Variants in SYNE1 observed in about 807,000 individuals in gnomAD.
SYNE1 encodes spectrin repeat containing nuclear envelope protein 1.
Under a neutral mutation model 1,111.0 loss-of-function variants are expected in SYNE1, and 616 were observed. The ratio of observed to expected loss-of-function variants is 0.55; its 90% CI spans 0.52 to 0.59. SYNE1 has a LOEUF of 0.59. Among genes scored for constraint, SYNE1 ranks in the 20% least tolerant of loss-of-function variants. SYNE1 has a pLI of 0.00. For synonymous variants in SYNE1, 3,855 were observed against 3,825.8 expected, an observed-to-expected ratio of 1.01 and a Z score of -0.28; for missense variants, 10,006 against 10,417.0, an observed-to-expected ratio of 0.96 and a Z score of 1.72.
intron 20 of SYNE1, 105 bp downstream of exon 20, chr6:152,462,633 T>A (rs925862746): frequency 4.4e-6 from 6 of 1,355,830 alleles, no homozygotes; most frequent in Non-Finnish European, 4.2e-6. Flanking sequence ...GTCAAAATGA[T>A]GCCCAGGAGA....
At position 152,430,646 on chromosome 6, in the gene SYNE1, A is replaced by G; in HGVS notation, c.4525T>C (p.Ser1509Pro). ...CCAGTGGTAACAAACTGAGCAAAAGACTGGGCTTCTTCTTCTAATCCTACA... is the reference window on the plus strand; with the variant it reads ...CCAGTGGTAACAAACTGAGCAAAAGGCTGGGCTTCTTCTTCTAATCCTACA... ...SIVGLEEEAQ[S>P]FAQFVTTGES... The change falls in exon 35 of 146, where the codon TCT (serine) becomes CCT (proline). Residue 1509 changes from serine (S) to proline (P), a missense_variant. Physicochemically the swap from Ser to Pro is moderately conservative, Grantham distance 74. Around this residue, in one of 7 missense-constraint regions of SYNE1, gnomAD observed 1,971 missense variants for 2,084.1 expected, o/e 0.95. Coordinates refer to ENST00000367255, the MANE Select transcript of SYNE1 (RefSeq NM_182961.4). 6 of 1,614,156 alleles carry G rather than the reference A, an allele frequency of 3.7e-6. No homozygotes were observed. Among genetic ancestry groups the G allele is most frequent in the Non-Finnish European group, 5.1e-6 (6 of 1,180,000 alleles).
intron 74 of SYNE1, among the ~76,000 whole-genome samples, chr6:152,340,823 T>G (rs949919426): frequency 9.3e-4 from 141 of 152,178 alleles, no homozygotes; most frequent in Non-Finnish European, 1.7e-3. Context: ...GCCACAGGGG[T>G]GGCAGGCAGC....
chr6:152,233,993 G>C, intron 111 of SYNE1, 30 bp from the exon 112 acceptor site: 1 of 1,609,158 alleles, frequency 6.2e-7, no homozygotes, highest in Non-Finnish European at 8.5e-7. Context: ...TCAAATTAGG[G>C]TTAAATAGCT....
At chr6:152,277,797 C>G in intron 98 of SYNE1, 1 of 470,790 alleles carries the variant, frequency 2.1e-6, no homozygotes, top group African/African-American at 2.0e-5. Flanking sequence ...GTAGCCTTTA[C>G]TTTCCCTCTC....
chr6:152,555,689 G>A (rs992011214), intron 3 of SYNE1, among the ~76,000 whole-genome samples: 36 of 152,110 alleles, frequency 2.4e-4, no homozygotes, highest in Non-Finnish European at 1.8e-4. Flanking sequence ...ATGATGTAAA[G>A]ACATGAATGA....
intron 74 of SYNE1, 96 bp downstream of exon 74, chr6:152,343,985 G>T (rs561013482): frequency 2.6e-6 from 4 of 1,536,240 alleles, no homozygotes; most frequent in Non-Finnish European, 9.0e-7. Flanking sequence ...ATTCCCAGGA[G>T]TCAATACAGT....
At chr6:152,529,366 G>A (rs2099184344) in intron 4 of SYNE1, among the ~76,000 whole-genome samples, 1 of 152,112 alleles carries the variant, frequency 6.6e-6, no homozygotes. Flanking sequence ...CTGTATGTGA[G>A]TGGCCTGAGC....
intron 41 of SYNE1, among the ~76,000 whole-genome samples, chr6:152,414,546 G>A (rs1258328779): frequency 6.6e-6 from 1 of 152,034 alleles, no homozygotes; most frequent in African/African-American, 2.4e-5. Flanking sequence ...GCTGGGGGCA[G>A]GTGTTCTTAT....
In SYNE1 at chr6:152,455,833, C is replaced by T. The variant is rs1593073271; in HGVS notation, c.2727+53G>A. The T allele has an allele frequency of 8.7e-6, 14 of 1,610,964 alleles. No homozygotes were observed. In the East Asian group the frequency reaches 3.1e-4, roughly 36 times the overall value. Reference sequence around the variant, plus strand: ...AAAGCACGAGTGATGGTTTCTTGTCCTCACTCTGCATTTTCCCTGGCTCAC... The same window carrying T: ...AAAGCACGAGTGATGGTTTCTTGTCTTCACTCTGCATTTTCCCTGGCTCAC... On this transcript the variant is annotated intron_variant, in intron 23 of 145. Transcript: ENST00000367255.
At chr6:152,430,031 A>T (rs998597180) in intron 36 of SYNE1, 81 bp downstream of exon 36, 24 of 954,334 alleles carry the variant, frequency 2.5e-5, no homozygotes, top group Non-Finnish European at 4.0e-5. Flanking sequence ...TCTCTTAAAA[A>T]GTTTACTGTA....
chr6:152,296,041 T>G (rs1388249208), intron 93 of SYNE1, among the ~76,000 whole-genome samples: 2 of 152,224 alleles, frequency 1.3e-5, no homozygotes, highest in African/African-American at 4.8e-5. Flanking sequence ...ATAATCCAAC[T>G]TCTGAAAGGG....
intron 3 of SYNE1, among the ~76,000 whole-genome samples, chr6:152,601,390 A>G (rs527789468): frequency 6.6e-6 from 1 of 152,328 alleles, no homozygotes; most frequent in Non-Finnish European, 1.5e-5. Context: ...TTTTAGGCAA[A>G]CCAAAGAAGA....
intron 80 of SYNE1, 45 bp from the exon 81 acceptor site, chr6:152,325,347 A>T (rs1420489826): frequency 2.5e-6 from 4 of 1,587,768 alleles, no homozygotes; most frequent in Non-Finnish European, 3.5e-6. Context: ...CAAGGGAGAG[A>T]TCAATTTAAT....
chr6:152,146,654 C>G (rs947096306), intron 137 of SYNE1: 41 of 152,192 alleles, frequency 2.7e-4, no homozygotes, highest in African/African-American at 8.2e-4. Flanking sequence ...ATGTGAACCA[C>G]CAGAACCAAA....
intron 35 of SYNE1, 87 bp downstream of exon 35, chr6:152,430,395 T>C: frequency 7.8e-7 from 1 of 1,280,328 alleles, no homozygotes; most frequent in African/African-American, 1.5e-5. Flanking sequence ...CTTTCTCTTA[T>C]TCCACTATTT....
At chr6:152,539,858 G>A (rs995778767) in intron 4 of SYNE1, 102 bp downstream of exon 4, 45 of 1,263,044 alleles carry the variant, frequency 3.6e-5, no homozygotes, top group East Asian at 3.0e-4. Context: ...TCATTGATTC[G>A]CAACAGTGAC....
At chr6:152,568,577 A>G (rs2099428916) in intron 3 of SYNE1, among the ~76,000 whole-genome samples, 2 of 152,158 alleles carry the variant, frequency 1.3e-5, no homozygotes, top group African/African-American at 4.8e-5. Flanking sequence ...TGCTGGGATT[A>G]CAGGCATGAG....
intron 4 of SYNE1, among the ~76,000 whole-genome samples, chr6:152,538,110 A>C (rs1279971375): frequency 6.6e-6 from 1 of 152,200 alleles, no homozygotes; most frequent in African/African-American, 2.4e-5. Context: ...GGGTGTTTTA[A>C]TAGTGCAAGG....
chr6:152,190,944 T>C (rs1318501534), intron 127 of SYNE1, among the ~76,000 whole-genome samples: 2 of 152,356 alleles, frequency 1.3e-5, no homozygotes, highest in Admixed American at 6.5e-5. Context: ...TGTTGAGCTA[T>C]GTTTCTTCTA....
Sources: gnomAD v4.1 joint callset for allele counts (sites outside exome capture counted in the v4.1 genomes callset) on GRCh38, gnomAD v4.1.1 for gene constraint, gnomAD v4.1.1 regional missense constraint, MANE v1.5 for transcripts, NCBI Gene and HGNC (gene_info 2026-07-23, HGNC 2026-07-21) for gene names.